SRCAP: variants seen among roughly 807,000 people sequenced by gnomAD.
The protein encoded by SRCAP is chromatin remodeling protein SRCAP.
A neutral mutation model predicts 263.1 loss-of-function variants in SRCAP; 46 were observed. The ratio of observed to expected loss-of-function variants is 0.17; its 90% CI spans 0.14 to 0.22. SRCAP has a LOEUF of 0.22. Among genes scored for constraint, SRCAP ranks in the 10% least tolerant of loss-of-function variants. The pLI, the probability that SRCAP is intolerant of heterozygous loss-of-function variation, is 1.00. For missense variants in SRCAP, 3,695 were observed against 4,181.9 expected, an observed-to-expected ratio of 0.88 and a Z score of 3.21; for synonymous variants, 1,813 against 1,662.1, an observed-to-expected ratio of 1.09 and a Z score of -2.21.
chr16:30,712,835 C>A lies in SRCAP; in HGVS notation c.2130+20C>A. ...CGGCAGGTTCGATGTTTCATGTGGT[C>A]ACTTTCCTCCCATTGATGCCTCCTT... is the stretch of plus-strand genomic sequence containing the variant. On this transcript the variant is annotated intron_variant, in intron 14 of 33. Coordinates refer to ENST00000262518, the MANE Select transcript of SRCAP (RefSeq NM_006662.3). 1 of 1,612,428 alleles carries A rather than the reference C, an allele frequency of 6.2e-7. No homozygotes were observed. Among genetic ancestry groups the A allele is most frequent in the South Asian group, 1.1e-5 (1 of 90,864 alleles).
At position 30,738,067 on chromosome 16, in the gene SRCAP, A is replaced by T. The variant is rs2053178253; in HGVS notation, c.8027A>T (p.Glu2676Val). The T allele has an allele frequency of 1.2e-6, 2 of 1,614,020 alleles. No homozygotes were observed. The highest frequency in any genetic ancestry group is 1.3e-5 in the African/African-American group (1 of 74,916). The change falls in exon 34 of 34, where the codon GAG (glutamate) becomes GTG (valine). Residue 2676 changes from glutamate (E) to valine (V), a missense_variant. Transcript: ENST00000262518. Reference sequence around the variant, plus strand: ...CTGGAGGCTGACAGGACCTCGGAAGAGCTGACAGAGGCCAAGACCCCAACC... The same window carrying T: ...CTGGAGGCTGACAGGACCTCGGAAGTGCTGACAGAGGCCAAGACCCCAACC... ...EPLEADRTSE[E>V]LTEAKTPTSS...
At chr16:30,728,134 T>C (rs767261089) in intron 25 of SRCAP, among the ~76,000 whole-genome samples, 1 of 152,256 alleles carries the variant, frequency 6.6e-6, no homozygotes, top group Non-Finnish European at 1.5e-5. Context: ...AGGAAGGAGA[T>C]TTGGAACACT....
At chr16:30,727,668 C>T (rs890756313) in intron 25 of SRCAP, among the ~76,000 whole-genome samples, 2 of 152,204 alleles carry the variant, frequency 1.3e-5, no homozygotes, top group Non-Finnish European at 2.9e-5. Flanking sequence ...TTCTCCTGCT[C>T]AGCCTCCCAA....
chr16:30,712,301 C>T lies in SRCAP; in HGVS notation c.1855C>T (p.Arg619Trp), dbSNP rs1435978909. 1.9e-6 allele frequency: 3 copies of T among 1,605,482 alleles called. No homozygotes were observed. Among genetic ancestry groups the T allele is most frequent in the East Asian group, 2.2e-5 (1 of 44,788 alleles). The change falls in exon 13 of 34, where the codon CGG becomes TGG. Residue 619 changes from arginine (R) to tryptophan (W), a missense_variant. Physicochemically the swap from Arg to Trp is moderately radical, Grantham distance 101 (BLOSUM62 -3). Transcript: ENST00000262518. ...PIPLLLRGQLREYQHIGLDWL... is the reference protein window; with the variant it reads ...PIPLLLRGQLWEYQHIGLDWL... ...TCCCCTGCTTCTGCGGGGCCAGCTC[C>T]GGGAGTACCAGCACATTGGGCTAGA...
At chr16:30,732,626 A>G (rs1333940808) in intron 27 of SRCAP, among the ~76,000 whole-genome samples, 1 of 152,140 alleles carries the variant, frequency 6.6e-6, no homozygotes, top group African/African-American at 2.4e-5. Context: ...GGATTTGTTG[A>G]TATCTATCCT....
rs1194047797 is a variant in SRCAP, at chr16:30,738,281, T to G, written c.8241T>G (p.Leu2747=). The G allele has an allele frequency of 6.2e-7, 1 of 1,604,210 alleles. No individual in the cohort carries two copies. Among genetic ancestry groups the G allele is most frequent in the South Asian group, 1.1e-5 (1 of 90,164 alleles). ...RPGQPPGPKV[L]RKLPGRLVTV... Reference sequence around the variant, plus strand: ...GACAACCACCAGGCCCCAAAGTGCTTCGAAAGCTGCCAGGACGGCTGGTAA... The same window carrying G: ...GACAACCACCAGGCCCCAAAGTGCTGCGAAAGCTGCCAGGACGGCTGGTAA... Residue 2747 remains leucine, a synonymous_variant, in exon 34 of 34, where the codon CTT becomes CTG. Transcript: ENST00000262518.
Position 30,716,474 on chromosome 16 carries a change from C to T in SRCAP, c.2812C>T (p.Leu938Phe), listed in dbSNP as rs759932953. 1.2e-6 allele frequency: 2 copies of T among 1,611,070 alleles called. No homozygotes were observed. The highest frequency in any genetic ancestry group is 1.1e-5 in the South Asian group (1 of 90,690). Residue 938 changes from leucine (L) to phenylalanine (F), a missense_variant, in exon 18 of 34, where the codon CTC becomes TTC. By Grantham distance (22) the Leu-to-Phe change is conservative (BLOSUM62 0). Coordinates refer to ENST00000262518, the MANE Select transcript of SRCAP (RefSeq NM_006662.3). The part of the protein sequence containing the change: ...LVLRATDVHP[L>F]QRIDMGRFDL... ...GCTAAGGGCCACGGATGTCCATCCCCTCCAGGTAAGTATGATTCCATTAAT... is the reference window on the plus strand; with the variant it reads ...GCTAAGGGCCACGGATGTCCATCCCTTCCAGGTAAGTATGATTCCATTAAT...
intron 3 of SRCAP, among the ~76,000 whole-genome samples, chr16:30,702,572 TCCCTCCC>T (rs2052778873): frequency 7.1e-5 from 2 of 28,316 alleles, no homozygotes; most frequent in Non-Finnish European, 1.4e-4. Flanking sequence ...CTCCCTTCCC[TCCCTCCC>T]TCCCTCCCTT....
At chr16:30,708,116 C>T (rs896119817) in intron 6 of SRCAP, among the ~76,000 whole-genome samples, 1 of 152,230 alleles carries the variant, frequency 6.6e-6, no homozygotes, top group African/African-American at 2.4e-5. Flanking sequence ...CCACTCCACA[C>T]CCACCTTTCT....
intron 25 of SRCAP, chr16:30,725,984 A>C (rs1355860462): frequency 6.6e-6 from 1 of 152,096 alleles, no homozygotes; most frequent in African/African-American, 2.4e-5. Context: ...CAACACAATC[A>C]ACTTAGAACC....
rs537226409 is a variant in SRCAP at position 30,723,864 on chromosome 16, G to C, written c.4440G>C (p.Leu1480Phe). ...TGTTGACCAGTGTGACTCCACCATT[G>C]GCACCTGTTGTCCCAGCGGCTCCTG... ...PALLTSVTPPLAPVVPAAPGP... is the reference protein window; with the variant it reads ...PALLTSVTPPFAPVVPAAPGP... Residue 1480 changes from leucine (L) to phenylalanine (F), a missense_variant, in exon 25 of 34, where the codon TTG becomes TTC. Physicochemically the swap from Leu to Phe is conservative, Grantham distance 22. Transcript: ENST00000262518. 1 of 1,613,888 alleles carries C rather than the reference G, an allele frequency of 6.2e-7. No individual in the cohort carries two copies. The highest frequency in any genetic ancestry group is 8.5e-7 in the Non-Finnish European group (1 of 1,179,988).
rs1432584397 is a variant in SRCAP at position 30,738,146 on chromosome 16, C to T, written c.8106C>T (p.Ser2702=). 1 of 1,614,180 alleles carries T rather than the reference C, an allele frequency of 6.2e-7. No homozygotes were observed. Among genetic ancestry groups the T allele is most frequent in the Non-Finnish European group, 8.5e-7 (1 of 1,180,038 alleles). The change falls in exon 34 of 34, where the codon TCC becomes TCT. Residue 2702 remains serine (S), a synonymous_variant. Transcript: ENST00000262518. The stretch of plus-strand genomic sequence containing the variant: ...TTACAGCTGAGGTTGCAGCTCCATC[C>T]ACCTCATCTTCAGCCACTTCCTCGC... ...ELVTAEVAAP[S]TSSSATSSPE...
Position 30,724,495 on chromosome 16 carries a change from C to G in SRCAP, c.5071C>G (p.Leu1691Val). The G allele has an allele frequency of 6.2e-7, 1 of 1,614,164 alleles. No homozygotes were observed. Among genetic ancestry groups the G allele is most frequent in the Non-Finnish European group, 8.5e-7 (1 of 1,180,014 alleles). ...CCTAGCCCCAGCTTTAGCACCCACT[C>G]TTGGAGGCTCATCTCCATCTCAGAC... is the stretch of plus-strand genomic sequence containing the variant. The part of the protein sequence containing the change: ...LALAPALAPT[L>V]GGSSPSQTLS... Residue 1691 changes from leucine to valine, a missense_variant, in exon 25 of 34, where the codon CTT becomes GTT. Leu to Val is a conservative substitution (Grantham distance 32). This residue lies in a region of SRCAP where 1,347 missense variants were observed against 1,304.4 expected (regional missense o/e 1.03). Transcript: ENST00000262518.
rs537390523 is a variant in SRCAP, at chr16:30,709,563, C to T, written c.684C>T (p.Ala228=). The change falls in exon 7 of 34, where the codon GCC becomes GCT. Residue 228 remains alanine, a synonymous_variant. Transcript: ENST00000262518. ...GGCTTGAGGAAAAGCGCAAAAAAGC[C>T]CTGGACCTGCATTTGGACTTCATTG... ...QSRLEEKRKK[A]LDLHLDFIVG... 3 of 1,614,114 alleles carry T rather than the reference C, an allele frequency of 1.9e-6. No individual in the cohort carries two copies. The highest frequency in any genetic ancestry group is 1.3e-5 in the African/African-American group (1 of 75,016).
chr16:30,715,409 C>T (rs1381734196), intron 16 of SRCAP, among the ~76,000 whole-genome samples: 3 of 151,948 alleles, frequency 2.0e-5, no homozygotes, highest in Non-Finnish European at 4.4e-5. Context: ...ACTAAAAATA[C>T]AAAAAATTAG....
Position 30,710,035 on chromosome 16 carries a change from T to G in SRCAP, c.1041T>G (p.Pro347=). 6.2e-7 allele frequency: 1 copy of G among 1,614,122 alleles called. No individual in the cohort carries two copies. Among genetic ancestry groups the G allele is most frequent in the Non-Finnish European group, 8.5e-7 (1 of 1,180,010 alleles). Residue 347 remains proline, a synonymous_variant, in exon 8 of 34, where the codon CCT becomes CCG. Transcript: ENST00000262518. ...TTCCCCCTCAGCTGTTGGAAGGGCCTTCCAGCCCCTCTCAAACCCCCTCAT... is the reference window on the plus strand; with the variant it reads ...TTCCCCCTCAGCTGTTGGAAGGGCCGTCCAGCCCCTCTCAAACCCCCTCAT... ...RSLPPQLLEG[P]SSPSQTPSSH...
At chr16:30,731,520 GT>G (rs754506577) in intron 27 of SRCAP, among the ~76,000 whole-genome samples, 2 of 152,148 alleles carry the variant, frequency 1.3e-5, no homozygotes, top group Non-Finnish European at 2.9e-5. Context: ...AAAAAAAAGT[GT>G]TTTTGTTACA....
rs1354319102 is a variant in SRCAP at position 30,723,749 on chromosome 16, C to G, written c.4325C>G (p.Ser1442Cys). Residue 1442 changes from serine (S) to cysteine (C), a missense_variant, in exon 25 of 34, where the codon TCT becomes TGT. By Grantham distance (112) the Ser-to-Cys change is moderately radical. Transcript: ENST00000262518. The part of the protein sequence containing the change: ...SVPLSSSLPI[S>C]VPTTLPAPAS... ...CCATTGTCATCTTCACTCCCCATCT[C>G]TGTCCCCACCACACTTCCTGCCCCA... 6.2e-7 allele frequency: 1 copy of G among 1,614,072 alleles called. No individual in the cohort carries two copies. The highest frequency in any genetic ancestry group is 1.1e-5 in the South Asian group (1 of 91,078).
Position 30,738,726 on chromosome 16 carries a change from C to T in SRCAP, c.8686C>T (p.Pro2896Ser), listed in dbSNP as rs1343457621. 1.9e-6 allele frequency: 3 copies of T among 1,613,996 alleles called. No homozygotes were observed. The highest frequency in any genetic ancestry group is 1.7e-5 in the Admixed American group (1 of 59,998). Residue 2896 changes from proline (P) to serine (S), a missense_variant, in exon 34 of 34, where the codon CCT (proline) becomes TCT (serine). Around this residue, in one of 12 missense-constraint regions of SRCAP, gnomAD observed 1,207 missense variants for 1,142.9 expected, o/e 1.06. Transcript: ENST00000262518. ...AAAAACCAATGGGGCTGACCCAGTC[C>T]CTGGGCCTGAGACCCTAATTGTTGC... Reference protein sequence around the residue: ...KGKTNGADPVPGPETLIVADP... With the variant: ...KGKTNGADPVSGPETLIVADP...
Sources: gnomAD v4.1 joint callset for allele counts (sites outside exome capture counted in the v4.1 genomes callset) on GRCh38, gnomAD v4.1.1 for gene constraint, gnomAD v4.1.1 regional missense constraint, MANE v1.5 for transcripts, NCBI Gene and HGNC (gene_info 2026-07-23, HGNC 2026-07-21) for gene names.